The following EFCAB6 variants were observed in gnomAD, a reference collection of about 807,000 sequenced individuals.
EFCAB6 encodes the protein EF-hand calcium binding domain 6, also known as EF-hand calcium-binding domain-containing protein 6.
Under a neutral mutation model 169.8 loss-of-function variants are expected in EFCAB6, and 156 were observed. The ratio of observed to expected loss-of-function variants is 0.92; its 90% CI spans 0.81 to 1.05. EFCAB6 has a LOEUF of 1.05. Ranked by LOEUF, EFCAB6 falls within the 50% of genes least tolerant of loss-of-function variation. EFCAB6 has a pLI of 0.00. For synonymous variants in EFCAB6, 698 were observed against 676.4 expected, an observed-to-expected ratio of 1.03 and a Z score of -0.50; for missense variants, 1,800 against 1,829.1, an observed-to-expected ratio of 0.98 and a Z score of 0.29.
intron 12 of EFCAB6, among the ~76,000 whole-genome samples, chr22:43,680,643 TC>T (rs1242154117): frequency 6.6e-6 from 1 of 152,238 alleles, no homozygotes; most frequent in African/African-American, 2.4e-5. Flanking sequence ...TTTGTAATTT[TC>T]AGTATAAAAA....
intron 27 of EFCAB6, among the ~76,000 whole-genome samples, chr22:43,549,925 A>T (rs1367685481): frequency 6.6e-6 from 1 of 152,256 alleles, no homozygotes; most frequent in African/African-American, 2.4e-5. Context: ...GTGTATCTCA[A>T]TAGATACAGG....
At chr22:43,689,283 G>A (rs1603223385) in intron 10 of EFCAB6, among the ~76,000 whole-genome samples, 1 of 151,984 alleles carries the variant, frequency 6.6e-6, no homozygotes, top group Non-Finnish European at 1.5e-5. Context: ...AATAACTGCT[G>A]AGAGTTTCAT....
At chr22:43,695,561 G>A (rs1206562333) in intron 10 of EFCAB6, among the ~76,000 whole-genome samples, 2 of 152,010 alleles carry the variant, frequency 1.3e-5, no homozygotes, top group Non-Finnish European at 2.9e-5. Flanking sequence ...AAGTTTGGAG[G>A]ACTCATACAA....
chr22:43,645,352 C>A (rs146317469), intron 17 of EFCAB6, among the ~76,000 whole-genome samples: 1 of 152,172 alleles, frequency 6.6e-6, no homozygotes, highest in African/African-American at 2.4e-5. Context: ...AAAAAAAGTA[C>A]GCAAGTCCAA....
intron 7 of EFCAB6, among the ~76,000 whole-genome samples, chr22:43,733,109 T>C (rs2060012454): frequency 6.6e-6 from 1 of 152,216 alleles, no homozygotes; most frequent in Non-Finnish European, 1.5e-5. Context: ...TTTAATAAGA[T>C]AAATGATCTC....
At chr22:43,546,917 G>A (rs904949767) in intron 27 of EFCAB6, among the ~76,000 whole-genome samples, 1 of 151,024 alleles carries the variant, frequency 6.6e-6, no homozygotes, top group Non-Finnish European at 1.5e-5. Flanking sequence ...TCTCTACTCA[G>A]AAAAGTTACC....
intron 6 of EFCAB6, among the ~76,000 whole-genome samples, chr22:43,749,951 G>C (rs1387030125): frequency 6.6e-6 from 1 of 152,136 alleles, no homozygotes; most frequent in Non-Finnish European, 1.5e-5. Flanking sequence ...AGTCTCGAAA[G>C]AGGCAAGACT....
chr22:43,730,477 G>C lies in EFCAB6; in HGVS notation c.757+1222C>G, dbSNP rs1243749325. Among the ~76,000 whole-genome samples, 6 of 151,604 alleles carry C rather than the reference G, an allele frequency of 4.0e-5. 1 individual carries two copies. Among genetic ancestry groups the C allele is most frequent in the African/African-American group, 1.5e-4 (6 of 41,206 alleles). On this transcript the variant is annotated intron_variant, in intron 8 of 31. Coordinates refer to ENST00000262726, the MANE Select transcript of EFCAB6 (RefSeq NM_022785.4). The stretch of plus-strand genomic sequence containing the variant: ...CTGTGGACATTATATCCAAGATATA[G>C]AGGCAGGGTGTATTCCTCATTTTCT...
intron 5 of EFCAB6, among the ~76,000 whole-genome samples, chr22:43,764,593 T>A (rs1325581683): frequency 6.6e-6 from 1 of 152,194 alleles, no homozygotes; most frequent in Non-Finnish European, 1.5e-5. Flanking sequence ...TAGTTCCAAG[T>A]TCTTTGAGAA....
chr22:43,593,905 T>G (rs1355655587), intron 23 of EFCAB6, among the ~76,000 whole-genome samples: 2 of 152,196 alleles, frequency 1.3e-5, no homozygotes, highest in Non-Finnish European at 2.9e-5. Flanking sequence ...ATTGAGATCG[T>G]GCCAAGAAAA....
At chr22:43,539,677 C>T (rs1450016037) in intron 28 of EFCAB6, among the ~76,000 whole-genome samples, 1 of 152,166 alleles carries the variant, frequency 6.6e-6, no homozygotes, top group Non-Finnish European at 1.5e-5. Context: ...AAAATCAGGT[C>T]GCTCCACGTC....
rs535016138 is a variant in EFCAB6, at chr22:43,682,212, A to G, written c.1251+1535T>C. 7.9e-5 allele frequency among the ~76,000 whole-genome samples: 12 copies of G among 152,250 alleles called. 1 individual carries two copies. The East Asian group carries it at 1.2e-3, about 15-fold the overall frequency. On this transcript the variant is annotated intron_variant, in intron 12 of 31. Transcript: ENST00000262726. ...GCACTATGTAACTGTAAGGCATCTGATTGTTAATGCCATGATGTGATACCC... is the reference window on the plus strand; with the variant it reads ...GCACTATGTAACTGTAAGGCATCTGGTTGTTAATGCCATGATGTGATACCC...
chr22:43,598,552 C>T (rs1057064353), intron 23 of EFCAB6, among the ~76,000 whole-genome samples: 2 of 151,898 alleles, frequency 1.3e-5, no homozygotes, highest in South Asian at 4.2e-4. Context: ...AATTTTATAA[C>T]AATAAAATGT....
chr22:43,652,347 C>T (rs528133168), intron 17 of EFCAB6, among the ~76,000 whole-genome samples: 32 of 152,296 alleles, frequency 2.1e-4, no homozygotes, highest in African/African-American at 5.1e-4. Flanking sequence ...GTGACTTGTT[C>T]CTCCTCGCCT....
At chr22:43,809,792 G>T (rs750296087) in intron 1 of EFCAB6, among the ~76,000 whole-genome samples, 39 of 152,128 alleles carry the variant, frequency 2.6e-4, no homozygotes, top group Admixed American at 1.4e-3. Flanking sequence ...TATTAGTAGA[G>T]ATAGGGTCTC....
chr22:43,661,665 T>C (rs1327681873), intron 17 of EFCAB6, among the ~76,000 whole-genome samples: 1 of 152,196 alleles, frequency 6.6e-6, no homozygotes, highest in East Asian at 1.9e-4. Context: ...GCACATGGCC[T>C]TCATTCACCC....
chr22:43,683,676 G>T, intron 12 of EFCAB6, 71 bp downstream of exon 12: 2 of 1,081,610 alleles, frequency 1.8e-6, no homozygotes, highest in Non-Finnish European at 1.4e-6. Flanking sequence ...AGTTGTTATT[G>T]GTCTTGTTCT....
At chr22:43,571,296 G>C (rs894902354) in intron 26 of EFCAB6, among the ~76,000 whole-genome samples, 12 of 152,174 alleles carry the variant, frequency 7.9e-5, no homozygotes, top group African/African-American at 2.9e-4. Context: ...TTCTCTCTCT[G>C]AGAATGGATT....
At chr22:43,799,184 C>T (rs2062615514) in intron 2 of EFCAB6, among the ~76,000 whole-genome samples, 1 of 151,810 alleles carries the variant, frequency 6.6e-6, no homozygotes, top group African/African-American at 2.4e-5. Context: ...AAATTTTAAT[C>T]AGCCAGGTAG....
Sources: gnomAD v4.1 joint callset for allele counts (sites outside exome capture counted in the v4.1 genomes callset) on GRCh38, gnomAD v4.1.1 for gene constraint, MANE v1.5 for transcripts, NCBI Gene and HGNC (gene_info 2026-07-23, HGNC 2026-07-21) for gene names.